Variants in NHEJ1 observed in about 807,000 individuals in gnomAD.
NHEJ1 encodes non-homologous end-joining factor 1.
Under a neutral mutation model 39.4 loss-of-function variants are expected in NHEJ1, and 22 were observed. The ratio of observed to expected loss-of-function variants is 0.56; its 90% CI spans 0.40 to 0.80. The LOEUF is 0.80. Among genes scored for constraint, NHEJ1 ranks in the 30% least tolerant of loss-of-function variants. The probability of loss-of-function intolerance (pLI) is 0.00; values close to 1 mark genes in which losing one functional copy is unlikely to be tolerated. For missense variants in NHEJ1, 329 were observed against 357.1 expected (o/e 0.92, Z 0.63); for synonymous variants, 154 against 135.6 (o/e 1.14, Z -0.94).
intron 5 of NHEJ1, among the ~76,000 whole-genome samples, chr2:219,108,068 G>A (rs532760731): frequency 2.0e-5 from 3 of 152,066 alleles, no homozygotes; most frequent in Admixed American, 1.3e-4. Flanking sequence ...GTCACTAATT[G>A]TGGCCCAGCC....
intron 5 of NHEJ1, among the ~76,000 whole-genome samples, chr2:219,121,374 T>C (rs760880891): frequency 2.6e-5 from 4 of 152,216 alleles, no homozygotes; most frequent in Non-Finnish European, 5.9e-5. Flanking sequence ...ATCCTATATG[T>C]GTTAATTTTC....
chr2:219,104,243 G>C (rs1332784861), intron 5 of NHEJ1, among the ~76,000 whole-genome samples: 1 of 152,148 alleles, frequency 6.6e-6, no homozygotes, highest in Non-Finnish European at 1.5e-5. Flanking sequence ...CCCAGGACCA[G>C]GTACAGACTG....
chr2:219,140,722 T>C (rs535511321), intron 5 of NHEJ1, among the ~76,000 whole-genome samples: 31 of 152,210 alleles, frequency 2.0e-4, no homozygotes, highest in Non-Finnish European at 3.7e-4. Flanking sequence ...ATTTAAGATA[T>C]TTTTTAAACT....
At chr2:219,078,927 A>G (rs1193173998) in intron 5 of NHEJ1, among the ~76,000 whole-genome samples, 1 of 152,230 alleles carries the variant, frequency 6.6e-6, no homozygotes, top group African/African-American at 2.4e-5. Context: ...TGGCATTAAA[A>G]TTTCCTGATA....
rs757046280 is a variant in NHEJ1, at chr2:219,078,074, C to T, written c.706+15G>A. The T allele has an allele frequency of 5.0e-6, 8 of 1,586,506 alleles. No individual in the cohort carries two copies. In the South Asian group the frequency reaches 8.8e-5, roughly 18 times the overall value. On this transcript the variant is annotated intron_variant, in intron 6 of 7. Transcript: ENST00000356853. ...TTGTATCCTCACACAGACCGGGTAC[C>T]TCTGGAGGGCTCACCAGCGCCTTGA... is the stretch of plus-strand genomic sequence containing the variant.
intron 5 of NHEJ1, among the ~76,000 whole-genome samples, chr2:219,143,627 T>C (rs1231588875): frequency 1.3e-5 from 2 of 152,200 alleles, no homozygotes; most frequent in African/African-American, 2.4e-5. Flanking sequence ...TACCTATCTC[T>C]CACTTCCTTT....
intron 5 of NHEJ1, among the ~76,000 whole-genome samples, chr2:219,142,380 G>A (rs1949700077): frequency 6.6e-6 from 1 of 152,162 alleles, no homozygotes; most frequent in Non-Finnish European, 1.5e-5. Flanking sequence ...GCTCTATTTT[G>A]GGCTGCCTGC....
At chr2:219,157,382 C>T in intron 3 of NHEJ1, 90 bp downstream of exon 3, 1 of 1,149,538 alleles carries the variant, frequency 8.7e-7, no homozygotes, top group Non-Finnish European at 1.3e-6. Context: ...GAATTTCAAA[C>T]AAGGTTTGCA....
intron 5 of NHEJ1, among the ~76,000 whole-genome samples, chr2:219,120,197 C>T (rs1316199299): frequency 6.6e-6 from 1 of 152,198 alleles, no homozygotes; most frequent in Non-Finnish European, 1.5e-5. Flanking sequence ...CTTCATCTCA[C>T]AAAGATACTT....
At chr2:219,136,828 C>A (rs547135761) in intron 5 of NHEJ1, among the ~76,000 whole-genome samples, 99 of 152,230 alleles carry the variant, frequency 6.5e-4, no homozygotes, top group African/African-American at 2.3e-3. Context: ...ATCTCAAACT[C>A]CCGACCTCAA....
intron 5 of NHEJ1, among the ~76,000 whole-genome samples, chr2:219,115,470 G>T (rs1949404869): frequency 6.6e-6 from 1 of 152,140 alleles, no homozygotes; most frequent in Non-Finnish European, 1.5e-5. Context: ...GAGCCTGGGG[G>T]GCTGACTGAT....
intron 5 of NHEJ1, among the ~76,000 whole-genome samples, chr2:219,098,931 A>G (rs372560807): frequency 6.6e-6 from 1 of 152,242 alleles, no homozygotes; most frequent in East Asian, 1.9e-4. Flanking sequence ...CAATAAAATC[A>G]GAAGTGTGTG....
intron 5 of NHEJ1, among the ~76,000 whole-genome samples, chr2:219,086,464 T>C (rs771064570): frequency 3.9e-5 from 6 of 152,202 alleles, no homozygotes; most frequent in Non-Finnish European, 2.9e-5. Flanking sequence ...CTAGTGGTAC[T>C]AGAAGCTGGC....
chr2:219,142,866 T>C (rs1949704386), intron 5 of NHEJ1, among the ~76,000 whole-genome samples: 1 of 152,208 alleles, frequency 6.6e-6, no homozygotes, highest in South Asian at 2.1e-4. Context: ...AGTATCACCC[T>C]CTAGTTAGGC....
At position 219,076,413 on chromosome 2, in the gene NHEJ1, T is replaced by C. The variant is rs1175165100; in HGVS notation, c.868A>G (p.Lys290Glu). 12 of 1,614,052 alleles carry C rather than the reference T, an allele frequency of 7.4e-6. No individual in the cohort carries two copies. In the Admixed American group the frequency reaches 1.8e-4, roughly 25 times the overall value. The stretch of plus-strand genomic sequence containing the variant: ...AAGAGACCCCTTGGCTTCTTCCTCT[T>C]GACCTTTGACAGCTGAGGTCTCTGC... ...PLQRPQLSKVKRKKPRGLFS is the reference protein window; with the variant it reads ...PLQRPQLSKVERKKPRGLFS The change falls in exon 8 of 8, where the codon AAG (lysine) becomes GAG (glutamate). Residue 290 changes from lysine (K) to glutamate (E), a missense_variant. Lys to Glu is a moderately conservative substitution (Grantham distance 56). Coordinates refer to ENST00000356853, the MANE Select transcript of NHEJ1 (RefSeq NM_024782.3).
intron 5 of NHEJ1, among the ~76,000 whole-genome samples, chr2:219,097,972 A>G (rs1003266146): frequency 6.6e-6 from 1 of 152,206 alleles, no homozygotes; most frequent in Non-Finnish European, 1.5e-5. Flanking sequence ...GTAACTGATG[A>G]AGCAGAAAAT....
chr2:219,134,659 T>C (rs963325235), intron 5 of NHEJ1, among the ~76,000 whole-genome samples: 1 of 152,238 alleles, frequency 6.6e-6, no homozygotes, highest in African/African-American at 2.4e-5. Context: ...CTATTTTCTG[T>C]AGACCCTTTT....
At chr2:219,157,784 G>C (rs1949869582) in intron 2 of NHEJ1, 100 bp from the exon 3 acceptor site, 2 of 904,608 alleles carry the variant, frequency 2.2e-6, no homozygotes, top group African/African-American at 3.3e-5. Flanking sequence ...GAAGGCAATG[G>C]ACATGAGAGG....
At chr2:219,136,665 C>T (rs1329306795) in intron 5 of NHEJ1, among the ~76,000 whole-genome samples, 1 of 152,118 alleles carries the variant, frequency 6.6e-6, no homozygotes, top group African/African-American at 2.4e-5. Flanking sequence ...TGCAGTGGCA[C>T]AATCTCGGCT....
Sources: gnomAD v4.1 joint callset for allele counts (sites outside exome capture counted in the v4.1 genomes callset) on GRCh38, gnomAD v4.1.1 for gene constraint, MANE v1.5 for transcripts, NCBI Gene and HGNC (gene_info 2026-07-23, HGNC 2026-07-21) for gene names.